Variants in KDM2B observed in about 807,000 individuals in gnomAD.
The protein encoded by KDM2B is lysine demethylase 2B.
KDM2B carries 26 observed loss-of-function variants against 150.0 expected under a neutral mutation model. The observed-to-expected ratio is 0.17, with a 90% CI of 0.13 to 0.24. KDM2B has a LOEUF of 0.24. Ranked by LOEUF, KDM2B falls within the 10% of genes least tolerant of loss-of-function variation. The pLI is 1.00. For missense variants in KDM2B, 1,265 were observed against 1,816.9 expected, an observed-to-expected ratio of 0.70 and a Z score of 5.52; for synonymous variants, 734 against 729.5, an observed-to-expected ratio of 1.01 and a Z score of -0.10.
chr12:121,509,465 A>T (rs1188861315), intron 11 of KDM2B, 102 bp downstream of exon 11: 1 of 1,520,962 alleles, frequency 6.6e-7, no homozygotes, highest in African/African-American at 1.4e-5. Flanking sequence ...TGCTCAGAGC[A>T]ATCTGCACAG....
Position 121,479,104 on chromosome 12 carries a change from G to A in KDM2B, c.1734+15475C>T, listed in dbSNP as rs149776154. ...GAAGTAATGAACTCCTATACCACAA[G>A]GAGGCGCTATAAATAAATTGGTAAA... On this transcript the variant is annotated intron_variant, in intron 12 of 22. Coordinates refer to ENST00000377071, the MANE Select transcript of KDM2B (RefSeq NM_032590.5). Among the ~76,000 whole-genome samples, 1,280 of 152,110 alleles carry A rather than the reference G, an allele frequency of 8.4e-3. 14 individuals are homozygous for A. The highest frequency in any genetic ancestry group is 0.03 in the African/African-American group (1,232 of 41,496).
intron 4 of KDM2B, among the ~76,000 whole-genome samples, chr12:121,552,529 C>T (rs1455681883): frequency 6.6e-6 from 1 of 152,010 alleles, no homozygotes; most frequent in Non-Finnish European, 1.5e-5. Flanking sequence ...AAAAATTAGC[C>T]AAGTATGGTG....
chr12:121,431,876 TTTC>T (rs1873090133), intron 22 of KDM2B, among the ~76,000 whole-genome samples: 2 of 119,608 alleles, frequency 1.7e-5, no homozygotes, highest in East Asian at 2.4e-4. Context: ...TTTTTTCTTT[TTTC>T]TTTTTTTTTT....
chr12:121,422,961 CT>C, the KDM2B span, among the ~76,000 whole-genome samples: 1 of 152,168 alleles, frequency 6.6e-6, no homozygotes, highest in African/African-American at 2.4e-5. Flanking sequence ...GCTCCAGAGA[CT>C]GTGGTGTTCC....
intron 6 of KDM2B, among the ~76,000 whole-genome samples, chr12:121,538,114 C>A (rs1377453492): frequency 6.6e-6 from 1 of 151,744 alleles, no homozygotes; most frequent in Non-Finnish European, 1.5e-5. Context: ...GCGCTGCCTG[C>A]GCTCATGCCC....
chr12:121,485,238 A>G (rs551479004), intron 12 of KDM2B, among the ~76,000 whole-genome samples: 5 of 152,226 alleles, frequency 3.3e-5, no homozygotes, highest in African/African-American at 1.2e-4. Context: ...AAACTTCAGG[A>G]GGTTACTTTG....
intron 12 of KDM2B, among the ~76,000 whole-genome samples, chr12:121,485,761 A>G (rs782664152): frequency 6.6e-6 from 1 of 151,982 alleles, no homozygotes; most frequent in Non-Finnish European, 1.5e-5. Context: ...CTACGCAGGT[A>G]AAAATAGTTG....
chr12:121,549,099 A>G lies in KDM2B; in HGVS notation c.577-116T>C. 1 of 763,212 alleles carries G rather than the reference A, an allele frequency of 1.3e-6. No individual in the cohort carries two copies. The highest frequency in any genetic ancestry group is 2.2e-6 in the Non-Finnish European group (1 of 454,350). 47.3% of individuals were successfully genotyped at this position (763,212 alleles called of 1,614,324 possible). ...GCTCCCCCAATCTACTGTGGGCTCA[A>G]TAGTCCCAACATGGGAGGAAGGAAG... On this transcript the variant is annotated intron_variant, in intron 5 of 22. Coordinates refer to ENST00000377071, the MANE Select transcript of KDM2B (RefSeq NM_032590.5). The surrounding 1 kb of genome is among the most constrained non-coding windows in gnomAD (Gnocchi z 4.4).
intron 4 of KDM2B, among the ~76,000 whole-genome samples, chr12:121,562,747 A>C (rs1890435353): frequency 6.6e-6 from 1 of 152,030 alleles, no homozygotes; most frequent in Admixed American, 6.6e-5. Context: ...GAAGACACCC[A>C]GGGCCAGGTG....
In KDM2B at chr12:121,442,526, G is replaced by C; in HGVS notation, c.2915C>G (p.Pro972Arg). The part of the protein sequence containing the change: ...ENSLANENQQ[P>R]IKSEPESEGE... ...CTCGCTCTCAGGCTCCGACTTGATG[G>C]GCTGCTGGTTCTCGTTGGCCAGGCT... is the stretch of plus-strand genomic sequence containing the variant. The change falls in exon 19 of 23, where the codon CCC becomes CGC. Residue 972 changes from proline to arginine, a missense_variant. Coordinates refer to ENST00000377071, the MANE Select transcript of KDM2B (RefSeq NM_032590.5). This position sits in a 1 kb window ranked among gnomAD's most constrained non-coding sequence, Gnocchi z 7.7. The C allele has an allele frequency of 1.9e-6, 3 of 1,599,714 alleles. No homozygotes were observed. Among genetic ancestry groups the C allele is most frequent in the Non-Finnish European group, 2.5e-6 (3 of 1,179,852 alleles).
In KDM2B at chr12:121,467,906, C is replaced by G. The variant is rs1446943378; in HGVS notation, c.1735-14562G>C. ...ACCCCCGACCCAGAGCCTGCAGGACCGCTGGCCTGGATAAGCTCTGAGAGC... is the reference window on the plus strand; with the variant it reads ...ACCCCCGACCCAGAGCCTGCAGGACGGCTGGCCTGGATAAGCTCTGAGAGC... On this transcript the variant is annotated intron_variant, in intron 12 of 22. Coordinates refer to ENST00000377071, the MANE Select transcript of KDM2B (RefSeq NM_032590.5). This position sits in a 1 kb window ranked among gnomAD's most constrained non-coding sequence, Gnocchi z 5.1. The G allele has an allele frequency of 6.6e-6, 1 of 152,334 alleles. No homozygotes were observed. The highest frequency in any genetic ancestry group is 6.5e-5 in the Admixed American group (1 of 15,288). The allele number at this position is 152,334 out of a possible 1,614,324, so 9.4% of individuals were successfully genotyped here. A position where few individuals can be genotyped will look rare whatever the true frequency, so the allele number is the denominator to read the frequency against.
chr12:121,534,348 CAA>C (rs371399318), intron 7 of KDM2B, 147 bp downstream of exon 7: 11,220 of 468,548 alleles, frequency 0.024, no homozygotes, highest in South Asian at 0.04. Context: ...GACTCCATCT[CAA>C]AAAAAAAAAA....
intron 12 of KDM2B, among the ~76,000 whole-genome samples, chr12:121,488,504 C>T (rs1223163853): frequency 1.3e-5 from 2 of 152,210 alleles, no homozygotes; most frequent in African/African-American, 2.4e-5. Context: ...CCCAAGACAA[C>T]ACAGCTAGTC....
the KDM2B span, among the ~76,000 whole-genome samples, chr12:121,413,822 G>T: frequency 6.6e-6 from 1 of 151,692 alleles, no homozygotes; most frequent in South Asian, 2.1e-4. Flanking sequence ...TGATCCACCC[G>T]CCTCAGCCTC....
At chr12:121,527,453 C>T (rs1261000325) in intron 8 of KDM2B, among the ~76,000 whole-genome samples, 1 of 148,174 alleles carries the variant, frequency 6.7e-6, no homozygotes, top group African/African-American at 2.5e-5. Context: ...GAGATTGAGA[C>T]CATCCTGGCT....
At chr12:121,508,672 C>T (rs554376059) in intron 11 of KDM2B, among the ~76,000 whole-genome samples, 2 of 152,282 alleles carry the variant, frequency 1.3e-5, no homozygotes, top group African/African-American at 4.8e-5. Context: ...CTGCAGTCAC[C>T]CCCGGGTCCT....
rs1022377206 is a variant in KDM2B at position 121,520,861 on chromosome 12, G to C, written c.1047+124C>G. ...ACAGAACCAGGACTGAAGCCAGCTT[G>C]AGAGAGGAATCGGGAGGGAGAGGGG... On this transcript the variant is annotated intron_variant, in intron 9 of 22. Coordinates refer to ENST00000377071, the MANE Select transcript of KDM2B (RefSeq NM_032590.5). This position sits in a 1 kb window ranked among gnomAD's most constrained non-coding sequence, Gnocchi z 4.5. 43 of 596,906 alleles carry C rather than the reference G, an allele frequency of 7.2e-5. No individual in the cohort carries two copies. Among genetic ancestry groups the C allele is most frequent in the South Asian group, 9.2e-5 (5 of 54,544 alleles). The allele number at this position is 596,906 out of a possible 1,614,324, so 37.0% of individuals were successfully genotyped here. A position where few individuals can be genotyped will look rare whatever the true frequency, so the allele number is the denominator to read the frequency against.
At chr12:121,427,275 T>G (rs1047652041), downstream of KDM2B, among the ~76,000 whole-genome samples, 1 of 152,128 alleles carries the variant, frequency 6.6e-6, no homozygotes, top group Non-Finnish European at 1.5e-5. Context: ...CGGTGGCTCA[T>G]CCCTGTAATC....
intron 22 of KDM2B, among the ~76,000 whole-genome samples, chr12:121,434,682 G>A (rs1873675682): frequency 6.6e-6 from 1 of 152,152 alleles, no homozygotes; most frequent in Admixed American, 6.5e-5. Flanking sequence ...ACCCGGCCGT[G>A]CGTGATGGCT....
Sources: allele counts gnomAD v4.1 joint callset (sites outside exome capture counted in the v4.1 genomes callset), GRCh38; gene constraint gnomAD v4.1.1; non-coding constraint Gnocchi (gnomAD v3.1); transcripts MANE v1.5; gene names NCBI Gene and HGNC (gene_info 2026-07-23, HGNC 2026-07-21).